The following FAM171A1 variants were observed in gnomAD, a reference collection of about 807,000 sequenced individuals.
FAM171A1 encodes the protein family with sequence similarity 171 member A1.
Under a neutral mutation model 74.9 loss-of-function variants are expected in FAM171A1, and 23 were observed. That is an observed-to-expected ratio of 0.31 (90% CI 0.22 to 0.44). FAM171A1 has a LOEUF of 0.44. Ranked by LOEUF, FAM171A1 falls within the 20% of genes least tolerant of loss-of-function variation. The pLI, the probability that FAM171A1 is intolerant of heterozygous loss-of-function variation, is 1.00. For missense variants in FAM171A1, 1,162 were observed against 1,159.2 expected, an observed-to-expected ratio of 1.00 and a Z score of -0.03; for synonymous variants, 527 against 505.7, an observed-to-expected ratio of 1.04 and a Z score of -0.57.
At chr10:15,226,626 C>T (rs565725376) in intron 5 of FAM171A1, among the ~76,000 whole-genome samples, 1 of 152,152 alleles carries the variant, frequency 6.6e-6, no homozygotes, top group African/African-American at 2.4e-5. Context: ...TAAAAAGCAT[C>T]ATTTCCTCCT....
intron 5 of FAM171A1, among the ~76,000 whole-genome samples, chr10:15,224,890 C>G (rs1257380340): frequency 6.6e-6 from 1 of 152,202 alleles, no homozygotes; most frequent in African/African-American, 2.4e-5. Context: ...CAATGCACAC[C>G]TCTACCCATT....
At chr10:15,358,319 G>C (rs1454671377) in intron 1 of FAM171A1, among the ~76,000 whole-genome samples, 1 of 152,086 alleles carries the variant, frequency 6.6e-6, no homozygotes, top group Non-Finnish European at 1.5e-5. Context: ...ACTTTTACAA[G>C]TTCAAATACC....
intron 1 of FAM171A1, among the ~76,000 whole-genome samples, chr10:15,367,237 C>T (rs1298141249): frequency 6.6e-6 from 1 of 151,930 alleles, no homozygotes; most frequent in East Asian, 1.9e-4. Context: ...CACACAAAAA[C>T]TGAGAAAGTA....
Position 15,283,874 on chromosome 10 carries a change from T to C in FAM171A1, c.325+4A>G, listed in dbSNP as rs371495270. The C allele has an allele frequency of 1.9e-5, 30 of 1,613,942 alleles. No homozygotes were observed. The highest frequency in any genetic ancestry group is 2.4e-5 in the Non-Finnish European group (28 of 1,179,916). On this transcript the variant is annotated splice_donor_region_variant and intron_variant, in intron 2 of 7. Transcript: ENST00000378116. ...GTGTTAAAGAAAGATGAGGAACGCC[T>C]TACCAGGTAACCGGATTGGCTTCCA...
intron 4 of FAM171A1, among the ~76,000 whole-genome samples, chr10:15,252,558 C>A (rs1437298680): frequency 1.3e-5 from 2 of 152,136 alleles, no homozygotes; most frequent in Non-Finnish European, 2.9e-5. Flanking sequence ...ACCCCAGGGG[C>A]CGCCATGGAG....
At chr10:15,285,392 G>T (rs1329874033) in intron 1 of FAM171A1, among the ~76,000 whole-genome samples, 1 of 152,176 alleles carries the variant, frequency 6.6e-6, no homozygotes, top group African/African-American at 2.4e-5. Context: ...TTTTAAGAGG[G>T]GAGTGGAGAT....
At chr10:15,333,267 G>A (rs753523039) in intron 1 of FAM171A1, among the ~76,000 whole-genome samples, 1 of 152,222 alleles carries the variant, frequency 6.6e-6, no homozygotes, top group Non-Finnish European at 1.5e-5. Context: ...GCCGAGGCGG[G>A]TGGATCACCT....
chr10:15,225,797 C>T (rs1035452765), intron 5 of FAM171A1, among the ~76,000 whole-genome samples: 1 of 152,134 alleles, frequency 6.6e-6, no homozygotes, highest in African/African-American at 2.4e-5. Flanking sequence ...CTGCACGAAC[C>T]AAAGAAAGCT....
At chr10:15,237,835 C>A (rs141304590) in intron 5 of FAM171A1, among the ~76,000 whole-genome samples, 212 of 152,096 alleles carry the variant, frequency 1.4e-3, no homozygotes, top group African/African-American at 4.8e-3. Context: ...GTGATTTTGA[C>A]ATCTGGGAAA....
chr10:15,255,493 A>C (rs1588515023), intron 3 of FAM171A1, among the ~76,000 whole-genome samples: 1 of 152,138 alleles, frequency 6.6e-6, no homozygotes, highest in Non-Finnish European at 1.5e-5. Flanking sequence ...TATGTCACAG[A>C]ATTTAGGATG....
At chr10:15,353,613 A>G (rs181961892) in intron 1 of FAM171A1, among the ~76,000 whole-genome samples, 185 of 152,284 alleles carry the variant, frequency 1.2e-3, no homozygotes, top group Admixed American at 2.5e-3. Context: ...AAGATAAACA[A>G]CAGAAGGGCT....
rs1245444246 is a variant in FAM171A1, at chr10:15,214,511, C to G, written c.1077G>C (p.Met359Ile). The G allele has an allele frequency of 3.1e-6, 5 of 1,614,214 alleles. No individual in the cohort carries two copies. The highest frequency in any genetic ancestry group is 4.2e-6 in the Non-Finnish European group (5 of 1,180,044). The change falls in exon 8 of 8, where the codon ATG (methionine) becomes ATC (isoleucine). Residue 359 changes from methionine (M) to isoleucine (I), a missense_variant. Met to Ile is a conservative substitution (Grantham distance 10). Transcript: ENST00000378116. ...ESSKRDQSTS[M>I]SHINLLFSRR... Reference sequence around the variant, plus strand: ...GTGAAAACAGCAAGTTAATGTGTGACATGGACGTGGACTGGTCTCTTTTGG... The same window carrying G: ...GTGAAAACAGCAAGTTAATGTGTGAGATGGACGTGGACTGGTCTCTTTTGG...
chr10:15,270,258 G>A (rs1331790948), intron 3 of FAM171A1, among the ~76,000 whole-genome samples: 1 of 152,172 alleles, frequency 6.6e-6, no homozygotes, highest in African/African-American at 2.4e-5. Flanking sequence ...AGGGTCCCAC[G>A]CCCATGGAGC....
At chr10:15,239,987 T>C (rs1045878322) in intron 5 of FAM171A1, among the ~76,000 whole-genome samples, 4 of 152,368 alleles carry the variant, frequency 2.6e-5, no homozygotes, top group South Asian at 4.1e-4. Flanking sequence ...TAAAAAGTTT[T>C]GGATTTTGGG....
At chr10:15,366,126 A>G (rs958807890) in intron 1 of FAM171A1, among the ~76,000 whole-genome samples, 1 of 152,116 alleles carries the variant, frequency 6.6e-6, no homozygotes, top group East Asian at 1.9e-4. Context: ...AGTTTCATGT[A>G]TTTATTTATT....
chr10:15,255,612 G>A (rs1218066882), intron 3 of FAM171A1, among the ~76,000 whole-genome samples: 3 of 151,882 alleles, frequency 2.0e-5, no homozygotes, highest in Non-Finnish European at 2.9e-5. Flanking sequence ...GCCGTCCTCT[G>A]CAGCTTAACT....
In FAM171A1 at chr10:15,326,476, G is replaced by A. The variant is rs149882288; in HGVS notation, c.98-42371C>T. Reference sequence around the variant, plus strand: ...AATACAGGTGTGAGCCACTACTCCCGGCTAATTTCTGTATTTTTAGTAGAG... The same window carrying A: ...AATACAGGTGTGAGCCACTACTCCCAGCTAATTTCTGTATTTTTAGTAGAG... On this transcript the variant is annotated intron_variant, in intron 1 of 7. Coordinates refer to ENST00000378116, the MANE Select transcript of FAM171A1 (RefSeq NM_001010924.2). 4.7e-5 allele frequency among the ~76,000 whole-genome samples: 7 copies of A among 149,836 alleles called. No individual in the cohort carries two copies. In the East Asian group the frequency reaches 6.0e-4, roughly 13 times the overall value.
chr10:15,288,387 GA>G (rs779005044), intron 1 of FAM171A1, among the ~76,000 whole-genome samples: 8 of 152,082 alleles, frequency 5.3e-5, no homozygotes, highest in Admixed American at 1.3e-4. Flanking sequence ...TGATTTGTGA[GA>G]TTTTGGTGTA....
intron 5 of FAM171A1, among the ~76,000 whole-genome samples, chr10:15,246,337 A>G (rs983808977): frequency 2.6e-5 from 4 of 152,246 alleles, no homozygotes; most frequent in African/African-American, 9.6e-5. Context: ...GAAAGTAAAA[A>G]TAAGACAAAA....
Sources: gnomAD v4.1 joint callset for allele counts (sites outside exome capture counted in the v4.1 genomes callset) on GRCh38, gnomAD v4.1.1 for gene constraint, MANE v1.5 for transcripts, NCBI Gene and HGNC (gene_info 2026-07-23, HGNC 2026-07-21) for gene names.